The following GRIP1 variants were observed in gnomAD, a reference collection of about 807,000 sequenced individuals.
GRIP1 encodes glutamate receptor-interacting protein 1.
GRIP1 carries 45 observed loss-of-function variants against 129.9 expected under a neutral mutation model. The observed-to-expected ratio is 0.35, with a 90% CI of 0.27 to 0.44. The LOEUF is 0.44. Among genes scored for constraint, GRIP1 ranks in the 20% least tolerant of loss-of-function variants. The pLI is 1.00. For synonymous variants in GRIP1, 530 were observed against 520.8 expected (o/e 1.02, Z -0.24); for missense variants, 1,196 against 1,396.8 (o/e 0.86, Z 2.29).
At chr12:66,802,290 A>G (rs191117551) in intron 1 of GRIP1, among the ~76,000 whole-genome samples, 1 of 152,286 alleles carries the variant, frequency 6.6e-6, no homozygotes, top group African/African-American at 2.4e-5. Context: ...CATAATGGGT[A>G]TGTTCTGATA....
At chr12:66,762,362 G>A (rs919673364) in intron 1 of GRIP1, among the ~76,000 whole-genome samples, 4 of 152,134 alleles carry the variant, frequency 2.6e-5, no homozygotes, top group Non-Finnish European at 5.9e-5. Context: ...AGGCTGGGAG[G>A]ACCCCAATCC....
chr12:67,030,042 TACA>T (rs1565646853), intron 1 of GRIP1, among the ~76,000 whole-genome samples: 1 of 30,372 alleles, frequency 3.3e-5, no homozygotes, highest in Non-Finnish European at 9.6e-5. Context: ...CTACTAAAAA[TACA>T]AAAAAAAAAA....
chr12:66,890,617 A>T (rs2040642616), intron 1 of GRIP1, among the ~76,000 whole-genome samples: 2 of 152,228 alleles, frequency 1.3e-5, no homozygotes, highest in Admixed American at 1.3e-4. Context: ...TTCTCTGCTC[A>T]GTATCAAATA....
intron 23 of GRIP1, among the ~76,000 whole-genome samples, chr12:66,365,815 G>A (rs1221776391): frequency 6.6e-6 from 1 of 152,216 alleles, no homozygotes; most frequent in Non-Finnish European, 1.5e-5. Context: ...AAGTCTCACT[G>A]TGTGAGTTTC....
intron 1 of GRIP1, among the ~76,000 whole-genome samples, chr12:67,040,660 T>C (rs1015724377): frequency 6.6e-6 from 1 of 152,158 alleles, no homozygotes; most frequent in African/African-American, 2.4e-5. Flanking sequence ...ATTCCTAAGG[T>C]TTCCTCAGCT....
chr12:67,004,276 G>A (rs17103146), intron 1 of GRIP1, among the ~76,000 whole-genome samples: 4,961 of 152,142 alleles, frequency 0.033, 192 homozygotes, highest in Admixed American at 0.076. Flanking sequence ...AGCACCAGCC[G>A]GTTACTCACT....
At chr12:66,581,173 G>T (rs2139612032) in intron 2 of GRIP1, among the ~76,000 whole-genome samples, 1 of 152,264 alleles carries the variant, frequency 6.6e-6, no homozygotes, top group Middle Eastern at 3.4e-3. Flanking sequence ...ATAACGAAAT[G>T]AAGGCAGAAA....
At chr12:67,053,224 G>A (rs911232689) in intron 1 of GRIP1, among the ~76,000 whole-genome samples, 4 of 152,170 alleles carry the variant, frequency 2.6e-5, no homozygotes, top group Admixed American at 2.6e-4. Context: ...AAAAAATGTA[G>A]TAAAGTCATA....
At position 66,394,233 on chromosome 12, in the gene GRIP1, G is replaced by T. The variant is rs1416353996; in HGVS notation, c.2104C>A (p.Leu702Ile). The change falls in exon 17 of 25, where the codon CTC becomes ATC. Residue 702 changes from leucine (L) to isoleucine (I), a missense_variant. By Grantham distance (5) the Leu-to-Ile change is conservative. This residue lies in a region of GRIP1 where 28 missense variants were observed against 78.1 expected (regional missense o/e 0.36). Coordinates refer to ENST00000359742, the MANE Select transcript of GRIP1 (RefSeq NM_001366722.1). ...CTTTCAGCTAATCCCCCTTTAGTGA[G>T]GCTTGAAATGATTATAGGATCAAAC... ...EPFDPIIISS[L>I]TKGGLAERTG... The T allele has an allele frequency of 3.1e-6, 5 of 1,613,948 alleles. No individual in the cohort carries two copies. Among genetic ancestry groups the T allele is most frequent in the African/African-American group, 1.3e-5 (1 of 74,924 alleles).
At chr12:66,827,060 G>C in intron 1 of GRIP1, among the ~76,000 whole-genome samples, 1 of 152,172 alleles carries the variant, frequency 6.6e-6, no homozygotes, top group East Asian at 1.9e-4. Flanking sequence ...TCAAATCATT[G>C]TATTAGCATC....
chr12:66,648,275 G>A (rs895372667), intron 1 of GRIP1, among the ~76,000 whole-genome samples: 9 of 152,154 alleles, frequency 5.9e-5, no homozygotes, highest in Admixed American at 1.3e-4. Context: ...ATATCATCCC[G>A]GAAGGGCCGT....
At chr12:66,584,434 G>T (rs1199967993) in intron 2 of GRIP1, among the ~76,000 whole-genome samples, 1 of 152,100 alleles carries the variant, frequency 6.6e-6, no homozygotes, top group Admixed American at 6.6e-5. Flanking sequence ...TTAGCCAGGC[G>T]TGGTGGCACA....
chr12:66,907,173 C>T (rs1204424252), intron 1 of GRIP1, among the ~76,000 whole-genome samples: 1 of 152,108 alleles, frequency 6.6e-6, no homozygotes, highest in Non-Finnish European at 1.5e-5. Flanking sequence ...GACTTTTAAA[C>T]AATCATGATG....
At position 66,348,933 on chromosome 12, in the gene GRIP1, T is replaced by C. The variant is rs903495428; in HGVS notation, c.*86A>G. The C allele has an allele frequency of 1.7e-5, 16 of 937,710 alleles. No homozygotes were observed. Among genetic ancestry groups the C allele is most frequent in the Non-Finnish European group, 2.7e-5 (15 of 562,238 alleles). The allele number at this position is 937,710 out of a possible 1,614,324, so 58.1% of individuals were successfully genotyped here. A position where few individuals can be genotyped will look rare whatever the true frequency, so the allele number is the denominator to read the frequency against. The stretch of plus-strand genomic sequence containing the variant: ...CAGTTAATGCCACGTTGATTGATTA[T>C]CTGTGCTTCAAAGGTCACAGAAATC... On this transcript the variant is annotated 3_prime_UTR_variant, in exon 25 of 25. Transcript: ENST00000359742.
At chr12:66,576,576 G>T (rs1223578931) in intron 2 of GRIP1, among the ~76,000 whole-genome samples, 2 of 152,170 alleles carry the variant, frequency 1.3e-5, no homozygotes, top group Admixed American at 6.5e-5. Flanking sequence ...TATCAGTCCC[G>T]TTGTTGGGTA....
chr12:66,546,120 A>G (rs1361989487), intron 2 of GRIP1, among the ~76,000 whole-genome samples: 1 of 152,010 alleles, frequency 6.6e-6, no homozygotes, highest in African/African-American at 2.4e-5. Context: ...AAGGGAAAGG[A>G]ACAATTTTTA....
intron 2 of GRIP1, chr12:66,563,833 C>T (rs1394770905): frequency 6.6e-6 from 1 of 152,172 alleles, no homozygotes; most frequent in Non-Finnish European, 1.5e-5. Context: ...AAGAAAGTCT[C>T]ATATCCCTGA....
chr12:66,808,586 T>C (rs185254751), upstream of GRIP1, among the ~76,000 whole-genome samples: 550 of 150,472 alleles, frequency 3.7e-3, 1 homozygote, highest in Non-Finnish European at 4.8e-3. Flanking sequence ...CATGAGCCAC[T>C]GTTTTTCTGT....
At chr12:66,997,239 G>A (rs368043764) in intron 1 of GRIP1, among the ~76,000 whole-genome samples, 2 of 150,406 alleles carry the variant, frequency 1.3e-5, no homozygotes, top group African/African-American at 2.5e-5. Context: ...GAGCATATGC[G>A]TTTGCTGCTC....
Sources: gnomAD v4.1 joint callset for allele counts (sites outside exome capture counted in the v4.1 genomes callset) on GRCh38, gnomAD v4.1.1 for gene constraint, gnomAD v4.1.1 regional missense constraint, MANE v1.5 for transcripts, NCBI Gene and HGNC (gene_info 2026-07-23, HGNC 2026-07-21) for gene names.